Variants in PCYT1A observed in about 807,000 individuals in gnomAD.
PCYT1A encodes phosphate cytidylyltransferase 1A, choline, also known as choline-phosphate cytidylyltransferase A.
A neutral mutation model predicts 43.7 loss-of-function variants in PCYT1A; 25 were observed. The ratio of observed to expected loss-of-function variants is 0.57; its 90% CI spans 0.42 to 0.80. The LOEUF (loss-of-function observed/expected upper bound fraction) is 0.80. PCYT1A is among the 30% of genes least tolerant of loss of function. The pLI is 0.00. For synonymous variants in PCYT1A, 172 were observed against 170.7 expected (o/e 1.01, Z -0.06); for missense variants, 421 against 474.2 (o/e 0.89, Z 1.04).
chr3:196,244,034 A>ATC (rs1724462290), intron 5 of PCYT1A, among the ~76,000 whole-genome samples: 1 of 141,554 alleles, frequency 7.1e-6, no homozygotes, highest in African/African-American at 2.7e-5. Flanking sequence ...CCGGCCGCCC[A>ATC]GTCTGGGAAG....
At chr3:196,286,640 C>T (rs1053301159) in intron 1 of PCYT1A, among the ~76,000 whole-genome samples, 5 of 152,174 alleles carry the variant, frequency 3.3e-5, no homozygotes, top group Admixed American at 6.5e-5. Flanking sequence ...TCAGGCCAGG[C>T]GCGGTGGCTC....
At chr3:196,245,929 CAA>C (rs1577357185) in intron 5 of PCYT1A, among the ~76,000 whole-genome samples, 2 of 136,656 alleles carry the variant, frequency 1.5e-5, no homozygotes, top group East Asian at 4.2e-4. Flanking sequence ...CCAGCCTGGG[CAA>C]CAGAGCAAAA....
intron 2 of PCYT1A, among the ~76,000 whole-genome samples, chr3:196,263,619 C>G (rs1485846619): frequency 6.6e-6 from 1 of 152,046 alleles, no homozygotes; most frequent in East Asian, 1.9e-4. Context: ...ATTCCACCCC[C>G]CGGGGATCTG....
intron 2 of PCYT1A, among the ~76,000 whole-genome samples, chr3:196,264,902 G>T (rs1242622686): frequency 1.3e-5 from 2 of 151,148 alleles, no homozygotes; most frequent in Non-Finnish European, 1.5e-5. Flanking sequence ...GCAAGTAGAG[G>T]TTCTCGAAAC....
intron 2 of PCYT1A, among the ~76,000 whole-genome samples, chr3:196,260,138 G>GTGA (rs1312991590): frequency 1.3e-5 from 2 of 151,680 alleles, no homozygotes; most frequent in Admixed American, 6.6e-5. Context: ...GGCCAGGCTG[G>GTGA]TCTTGAACTC....
intron 8 of PCYT1A, 137 bp from the exon 9 acceptor site, chr3:196,239,031 C>T: frequency 2.2e-6 from 1 of 448,892 alleles, no homozygotes; most frequent in Non-Finnish European, 3.8e-6. Context: ...CCGGGAAATT[C>T]CCCATTCTTC....
chr3:196,250,790 A>C (rs1298220345), intron 3 of PCYT1A: 2 of 167,906 alleles, frequency 1.2e-5, no homozygotes, highest in Non-Finnish European at 2.6e-5. Context: ...CAGATACACT[A>C]TGCTGAGGAT....
At position 196,236,547 on chromosome 3, in the gene PCYT1A, T is replaced by C. The variant is rs921454104; in HGVS notation, c.*2141A>G. 1 of 152,242 alleles carries C rather than the reference T, an allele frequency of 6.6e-6. No individual in the cohort carries two copies. The highest frequency in any genetic ancestry group is 1.5e-5 in the Non-Finnish European group (1 of 68,036). The allele number at this position is 152,242 out of a possible 1,614,324, so 9.4% of individuals were successfully genotyped here. A position where few individuals can be genotyped will look rare whatever the true frequency, so the allele number is the denominator to read the frequency against. The stretch of plus-strand genomic sequence containing the variant: ...AGAAGAGTTAGAAATGTCGTTGTCA[T>C]AGGCGATCAGGATAACAAGAGGCTT... On this transcript the variant is annotated 3_prime_UTR_variant, in exon 9 of 9. Coordinates refer to ENST00000431016, the MANE Select transcript of PCYT1A (RefSeq NM_001312673.2).
rs1184043919 is a variant in PCYT1A, at chr3:196,252,053, C to T, written c.218-3730G>A. 6.6e-6 allele frequency among the ~76,000 whole-genome samples: 1 copy of T among 151,434 alleles called. No homozygotes were observed. Among genetic ancestry groups the T allele is most frequent in the Non-Finnish European group, 1.5e-5 (1 of 67,902 alleles). On this transcript the variant is annotated intron_variant, in intron 3 of 8. Coordinates refer to ENST00000431016, the MANE Select transcript of PCYT1A (RefSeq NM_001312673.2). The surrounding 1 kb of genome is among the most constrained non-coding windows in gnomAD (Gnocchi z 4.0). ...GCCTCCCGAGAAGCTGGGACTACAG[C>T]GCACACCACCACGCCCCGCTGACTA...
intron 1 of PCYT1A, among the ~76,000 whole-genome samples, chr3:196,270,840 T>C: frequency 6.6e-6 from 1 of 152,184 alleles, no homozygotes; most frequent in Middle Eastern, 3.2e-3. Context: ...AAATCCTGAT[T>C]GCATGCAAAA....
intron 1 of PCYT1A, among the ~76,000 whole-genome samples, chr3:196,278,427 C>T (rs1272672723): frequency 6.6e-6 from 1 of 152,184 alleles, no homozygotes; most frequent in African/African-American, 2.4e-5. Flanking sequence ...CACGCACACA[C>T]ACAGGCTGCC....
intron 2 of PCYT1A, among the ~76,000 whole-genome samples, chr3:196,263,938 T>C (rs1725194671): frequency 6.6e-6 from 1 of 152,212 alleles, no homozygotes; most frequent in African/African-American, 2.4e-5. Flanking sequence ...AGCCAGGATC[T>C]GGTTTTAAAA....
At chr3:196,284,552 C>G (rs1031241163) in intron 1 of PCYT1A, among the ~76,000 whole-genome samples, 3 of 152,278 alleles carry the variant, frequency 2.0e-5, no homozygotes, top group East Asian at 3.9e-4. Flanking sequence ...ATGTTAACAT[C>G]GGAGAAAGTC....
At chr3:196,279,286 C>CAAAAAAA (rs532624855) in intron 1 of PCYT1A, among the ~76,000 whole-genome samples, 2 of 108,606 alleles carry the variant, frequency 1.8e-5, no homozygotes, top group Non-Finnish European at 1.9e-5. Flanking sequence ...GAAACTCTAT[C>CAAAAAAA]AAAAAAAAAA....
At chr3:196,276,453 A>C (rs1374090814) in intron 1 of PCYT1A, among the ~76,000 whole-genome samples, 1 of 151,978 alleles carries the variant, frequency 6.6e-6, no homozygotes, top group Non-Finnish European at 1.5e-5. Flanking sequence ...AAATACAAAA[A>C]TTAGCCAGAC....
rs1724194255 is a variant in PCYT1A at position 196,237,295 on chromosome 3, G to C, written c.*1393C>G. On this transcript the variant is annotated 3_prime_UTR_variant, in exon 9 of 9. Coordinates refer to ENST00000431016, the MANE Select transcript of PCYT1A (RefSeq NM_001312673.2). The stretch of plus-strand genomic sequence containing the variant: ...AAGCAGCTAAGGAGACAGGAGGCCA[G>C]GGCTTTAAAAGTTAGAGCATGCTCA... 1 of 152,252 alleles carries C rather than the reference G, an allele frequency of 6.6e-6. No individual in the cohort carries two copies. Among genetic ancestry groups the C allele is most frequent in the Non-Finnish European group, 1.5e-5 (1 of 68,064 alleles). The allele number at this position is 152,252 out of a possible 1,614,324, so 9.4% of individuals were successfully genotyped here.
rs187598930 is a variant in PCYT1A, at chr3:196,247,144, A to G, written c.486+223T>C. On this transcript the variant is annotated intron_variant, in intron 5 of 8. Transcript: ENST00000431016. The surrounding 1 kb of genome is among the most constrained non-coding windows in gnomAD (Gnocchi z 4.8). ...CACACCACAGGATTGCTGTGGGCAG[A>G]AAATGGAATAGAATGGATGTAAAAG... 6.6e-6 allele frequency among the ~76,000 whole-genome samples: 1 copy of G among 152,374 alleles called. No homozygotes were observed. Among genetic ancestry groups the G allele is most frequent in the Non-Finnish European group, 1.5e-5 (1 of 68,040 alleles).
At chr3:196,264,948 C>T (rs1264923631) in intron 2 of PCYT1A, among the ~76,000 whole-genome samples, 6 of 152,178 alleles carry the variant, frequency 3.9e-5, no homozygotes, top group Admixed American at 3.9e-4. Flanking sequence ...GCCTACTTTG[C>T]CATAAGCAGA....
Position 196,282,722 on chromosome 3 carries a change from C to T in PCYT1A, c.-11+4893G>A, listed in dbSNP as rs141832751. Among the ~76,000 whole-genome samples, 347 of 152,002 alleles carry T rather than the reference C, an allele frequency of 2.3e-3. No individual in the cohort carries two copies. Among genetic ancestry groups the T allele is most frequent in the African/African-American group, 7.7e-3 (321 of 41,444 alleles). Reference sequence around the variant, plus strand: ...GCTTTCACCACACTGCCAAAGGAGTCCATAACACAAAAAAGATTAAGATTC... The same window carrying T: ...GCTTTCACCACACTGCCAAAGGAGTTCATAACACAAAAAAGATTAAGATTC... On this transcript the variant is annotated intron_variant, in intron 1 of 8. Transcript: ENST00000431016. The surrounding 1 kb of genome is among the most constrained non-coding windows in gnomAD (Gnocchi z 4.3).
Sources: allele counts gnomAD v4.1 joint callset (sites outside exome capture counted in the v4.1 genomes callset), GRCh38; gene constraint gnomAD v4.1.1; non-coding constraint Gnocchi (gnomAD v3.1); transcripts MANE v1.5; gene names NCBI Gene and HGNC (gene_info 2026-07-23, HGNC 2026-07-21).